The following GABRG3 variants were observed in gnomAD, a reference collection of about 807,000 sequenced individuals.
The protein encoded by GABRG3 is gamma-aminobutyric acid type A receptor subunit gamma3.
In GABRG3, 25 loss-of-function variants were observed where a neutral mutation model predicts 48.8. The ratio of observed to expected loss-of-function variants is 0.51; its 90% CI spans 0.37 to 0.72. The LOEUF is 0.72. GABRG3 is among the 30% of genes least tolerant of loss of function. The probability of loss-of-function intolerance (pLI) is 0.00; values close to 1 mark genes in which losing one functional copy is unlikely to be tolerated. For missense variants in GABRG3, 394 were observed against 577.9 expected, an observed-to-expected ratio of 0.68 and a Z score of 3.26; for synonymous variants, 227 against 217.6, an observed-to-expected ratio of 1.04 and a Z score of -0.38.
chr15:27,466,599 C>T (rs937740799), intron 5 of GABRG3, among the ~76,000 whole-genome samples: 6 of 152,174 alleles, frequency 3.9e-5, no homozygotes, highest in Admixed American at 2.6e-4. Flanking sequence ...CGGGAAGCTA[C>T]CACTTAACAC....
chr15:27,298,950 A>G (rs566027372), intron 3 of GABRG3, among the ~76,000 whole-genome samples: 1 of 152,312 alleles, frequency 6.6e-6, no homozygotes, highest in East Asian at 1.9e-4. Context: ...TAAATGAACA[A>G]CAACAACAAA....
At chr15:27,175,254 G>T (rs1887710762) in intron 3 of GABRG3, among the ~76,000 whole-genome samples, 1 of 152,158 alleles carries the variant, frequency 6.6e-6, no homozygotes, top group Non-Finnish European at 1.5e-5. Context: ...GTCACCACAT[G>T]CTGTCTTATT....
At chr15:27,037,076 C>G (rs1220057282) in intron 3 of GABRG3, among the ~76,000 whole-genome samples, 3 of 152,146 alleles carry the variant, frequency 2.0e-5, no homozygotes, top group Non-Finnish European at 4.4e-5. Context: ...CCAAGGAACA[C>G]CAAAGATACC....
At chr15:27,328,611 G>A (rs1211462635) in intron 4 of GABRG3, among the ~76,000 whole-genome samples, 195 bp from the exon 5 acceptor site, 1 of 152,190 alleles carries the variant, frequency 6.6e-6, no homozygotes, top group Admixed American at 6.5e-5. Context: ...ATAGTTAAAA[G>A]CAAAACAAAA....
chr15:27,532,014 C>T (rs1045678535), intron 9 of GABRG3, among the ~76,000 whole-genome samples: 2 of 152,126 alleles, frequency 1.3e-5, no homozygotes, highest in African/African-American at 2.4e-5. Flanking sequence ...CATGAGGATC[C>T]TCTCATCATT....
intron 3 of GABRG3, among the ~76,000 whole-genome samples, chr15:27,220,431 A>G (rs1316971514): frequency 6.6e-6 from 1 of 152,174 alleles, no homozygotes; most frequent in Non-Finnish European, 1.5e-5. Flanking sequence ...TCACCAGGGT[A>G]AGCCACAGTA....
intron 5 of GABRG3, among the ~76,000 whole-genome samples, chr15:27,398,726 T>C (rs72705725): frequency 0.057 from 8,606 of 151,946 alleles, 341 homozygotes; most frequent in South Asian, 0.19. Context: ...ATTGTATAAT[T>C]AAGTAATATT....
intron 5 of GABRG3, chr15:27,422,359 G>GT (rs1566833564): frequency 6.7e-6 from 1 of 149,240 alleles, no homozygotes; most frequent in East Asian, 2.0e-4. Flanking sequence ...AATGGGCTGC[G>GT]TATCCACCAA....
At chr15:27,103,271 A>G (rs1233527893) in intron 3 of GABRG3, among the ~76,000 whole-genome samples, 3 of 152,284 alleles carry the variant, frequency 2.0e-5, no homozygotes, top group Middle Eastern at 3.4e-3. Context: ...GAATGACTCT[A>G]TTTTGTTCAG....
chr15:27,531,932 T>G (rs966294352), intron 9 of GABRG3, among the ~76,000 whole-genome samples: 2 of 152,228 alleles, frequency 1.3e-5, no homozygotes, highest in Non-Finnish European at 2.9e-5. Context: ...TTTTTGGTTA[T>G]GCTTCTTGAG....
At chr15:26,997,814 AT>A (rs1895369096) in intron 2 of GABRG3, among the ~76,000 whole-genome samples, 2 of 152,086 alleles carry the variant, frequency 1.3e-5, no homozygotes, top group African/African-American at 4.8e-5. Flanking sequence ...AGTAGCTTGG[AT>A]TTTTCCTCCT....
intron 5 of GABRG3, among the ~76,000 whole-genome samples, chr15:27,416,705 G>T (rs759466244): frequency 4.6e-5 from 7 of 152,114 alleles, no homozygotes; most frequent in Non-Finnish European, 8.8e-5. Flanking sequence ...CCCTGGCACT[G>T]GTTCCCACAG....
chr15:27,117,567 A>T (rs1012214366), intron 3 of GABRG3, among the ~76,000 whole-genome samples: 2 of 152,128 alleles, frequency 1.3e-5, no homozygotes, highest in Non-Finnish European at 2.9e-5. Context: ...TCTCTCAAAA[A>T]CGTCATAGAA....
At chr15:27,217,656 CCAA>C (rs1182288073) in intron 3 of GABRG3, among the ~76,000 whole-genome samples, 1 of 152,316 alleles carries the variant, frequency 6.6e-6, no homozygotes, top group African/African-American at 2.4e-5. Flanking sequence ...ATTTTACACA[CCAA>C]CGAGTATCAT....
At chr15:27,494,609 G>T (rs1051253743) in intron 6 of GABRG3, among the ~76,000 whole-genome samples, 2 of 152,130 alleles carry the variant, frequency 1.3e-5, no homozygotes, top group African/African-American at 4.8e-5. Flanking sequence ...TTTCAGCTAA[G>T]TTACCACATT....
intron 2 of GABRG3, among the ~76,000 whole-genome samples, chr15:26,991,256 C>G (rs1246091317): frequency 3.3e-5 from 5 of 152,106 alleles, no homozygotes; most frequent in Non-Finnish European, 7.4e-5. Flanking sequence ...TCCAGGTCCT[C>G]TATTCTGTTC....
chr15:27,155,892 T>C (rs140023675), intron 3 of GABRG3, among the ~76,000 whole-genome samples: 102 of 152,278 alleles, frequency 6.7e-4, no homozygotes, highest in African/African-American at 2.4e-3. Flanking sequence ...GGATGCCTTA[T>C]TGTAGCCCAG....
At chr15:27,299,407 T>G (rs993736810) in intron 3 of GABRG3, among the ~76,000 whole-genome samples, 2 of 152,202 alleles carry the variant, frequency 1.3e-5, no homozygotes, top group African/African-American at 4.8e-5. Flanking sequence ...CACCAGAAAT[T>G]GAAGTACTGC....
At chr15:26,977,862 C>T (rs529518030) in intron 2 of GABRG3, among the ~76,000 whole-genome samples, 54 of 152,258 alleles carry the variant, frequency 3.5e-4, no homozygotes, top group African/African-American at 1.2e-3. Flanking sequence ...CTGGGTTGTG[C>T]GACAGCAGTA....
Sources: gnomAD v4.1 joint callset for allele counts (sites outside exome capture counted in the v4.1 genomes callset) on GRCh38, gnomAD v4.1.1 for gene constraint, MANE v1.5 for transcripts, NCBI Gene and HGNC (gene_info 2026-07-23, HGNC 2026-07-21) for gene names.